The following C6orf132 variants were observed in gnomAD, a reference collection of about 807,000 sequenced individuals.
C6orf132 encodes the protein uncharacterized protein C6orf132.
In C6orf132, 43 loss-of-function variants were observed where a neutral mutation model predicts 65.3. The observed-to-expected ratio is 0.66, with a 90% confidence interval of 0.52 to 0.85. The LOEUF is 0.85. Ranked by LOEUF, C6orf132 falls within the 40% of genes least tolerant of loss-of-function variation. The pLI, the probability that C6orf132 is intolerant of heterozygous loss-of-function variation, is 0.00. For synonymous variants in C6orf132, 631 were observed against 654.1 expected, an observed-to-expected ratio of 0.96 and a Z score of 0.54; for missense variants, 1,488 against 1,548.8, an observed-to-expected ratio of 0.96 and a Z score of 0.66.
chr6:42,132,889 G>GAAAAGAAAAGAAAAGAAAAGAA (rs1237413208), intron 1 of C6orf132, among the ~76,000 whole-genome samples: 7 of 151,268 alleles, frequency 4.6e-5, no homozygotes, highest in African/African-American at 1.7e-4. Flanking sequence ...GAAAAGAAAA[G>GAAAAGAAAAGAAAAGAAAAGAA]AAAAGGAGGT....
rs1020343550 is a variant in C6orf132, at chr6:42,104,448, G to A, written c.3449+15C>T. On this transcript the variant is annotated intron_variant, in intron 4 of 4. Transcript: ENST00000341865. This position sits in a 1 kb window ranked among gnomAD's most constrained non-coding sequence, Gnocchi z 4.1. The stretch of plus-strand genomic sequence containing the variant: ...CCCCTCCTGGCTTCCCGCACCAGCC[G>A]GGCCCGCAGCTCACCTGCCGGCAGC... 9.8e-6 allele frequency: 12 copies of A among 1,230,294 alleles called. No individual in the cohort carries two copies. The highest frequency in any genetic ancestry group is 1.2e-5 in the Non-Finnish European group (12 of 987,220). 76.2% of individuals were successfully genotyped at this position (1,230,294 alleles called of 1,614,324 possible).
At chr6:42,141,934 G>C (rs1767040664) in intron 1 of C6orf132, among the ~76,000 whole-genome samples, 1 of 152,100 alleles carries the variant, frequency 6.6e-6, no homozygotes, top group Non-Finnish European at 1.5e-5. Context: ...GTAGCGGTGG[G>C]GGTCGGGGGA....
rs568563530 is a variant in C6orf132 at position 42,123,045 on chromosome 6, C to T, written c.252+5627G>A. ...GGGCAAGAGAGAACCCCAGAAAACA[C>T]AACCTTGCTGCCACCCACTGTTCTA... On this transcript the variant is annotated intron_variant, in intron 2 of 4. Coordinates refer to ENST00000341865, the MANE Select transcript of C6orf132 (RefSeq NM_001164446.3). Among the ~76,000 whole-genome samples, 5 of 152,320 alleles carry T rather than the reference C, an allele frequency of 3.3e-5. No homozygotes were observed. The South Asian group carries it at 1.0e-3, about 32-fold the overall frequency.
intron 2 of C6orf132, among the ~76,000 whole-genome samples, chr6:42,115,497 T>C (rs911140067): frequency 5.3e-5 from 8 of 150,328 alleles, no homozygotes; most frequent in African/African-American, 2.0e-4. Flanking sequence ...ACACAAAATA[T>C]TAGCCCGGCA....
intron 1 of C6orf132, among the ~76,000 whole-genome samples, chr6:42,139,638 C>A (rs1290972978): frequency 6.6e-6 from 1 of 152,162 alleles, no homozygotes; most frequent in East Asian, 1.9e-4. Context: ...AACCCATGGC[C>A]CAACACAAAT....
In C6orf132 at chr6:42,103,309, TG is replaced by T. The variant is rs1766325674; in HGVS notation, c.*451del. 2.5e-6 allele frequency: 1 copy of T among 397,474 alleles called. No homozygotes were observed. The highest frequency in any genetic ancestry group is 4.4e-6 in the Non-Finnish European group (1 of 225,990). 24.6% of individuals were successfully genotyped at this position (397,474 alleles called of 1,614,324 possible). ...GCCCTGCACACCCACCAGACAGAGC[TG>T]GGCCTCAGCCCTTTGCAAGGGCCTG... On this transcript the variant is annotated 3_prime_UTR_variant, in exon 5 of 5. Coordinates refer to ENST00000341865, the MANE Select transcript of C6orf132 (RefSeq NM_001164446.3).
At chr6:42,136,817 T>G (rs1766950383) in intron 1 of C6orf132, among the ~76,000 whole-genome samples, 1 of 150,426 alleles carries the variant, frequency 6.6e-6, no homozygotes, top group Admixed American at 6.6e-5. Flanking sequence ...TCGACTGGAG[T>G]GGAGGGGAGG....
chr6:42,120,408 A>T (rs2127476636), intron 2 of C6orf132, among the ~76,000 whole-genome samples: 1 of 151,452 alleles, frequency 6.6e-6, no homozygotes, highest in South Asian at 2.1e-4. Context: ...CACCACGTCC[A>T]GTTAATTTTT....
intron 2 of C6orf132, among the ~76,000 whole-genome samples, chr6:42,111,298 T>TTTTTG (rs1766491685): frequency 6.9e-6 from 1 of 145,298 alleles, no homozygotes; most frequent in Non-Finnish European, 1.5e-5. Context: ...TTTTTTTTTT[T>TTTTTG]GAGATGGAGT....
chr6:42,120,782 C>T (rs1186562285), intron 2 of C6orf132, among the ~76,000 whole-genome samples: 2 of 151,994 alleles, frequency 1.3e-5, no homozygotes, highest in Middle Eastern at 3.4e-3. Context: ...CCACCATGCC[C>T]GGCTAATTTT....
Position 42,105,843 on chromosome 6 carries a change from G to T in C6orf132, c.2069C>A (p.Ala690Asp), listed in dbSNP as rs1203433961. Residue 690 changes from alanine (A) to aspartate (D), a missense_variant, in exon 4 of 5, where the codon GCC (alanine) becomes GAC (aspartate). Coordinates refer to ENST00000341865, the MANE Select transcript of C6orf132 (RefSeq NM_001164446.3). ...CAGAGTTGTGGCTGTAGATGCTATG[G>T]CAGGGCCAGATGTGGCCTTGAGTGG... ...TTPLKATSGP[A>D]IASTATTLPT... 3 of 1,537,192 alleles carry T rather than the reference G, an allele frequency of 2.0e-6. No homozygotes were observed. The highest frequency in any genetic ancestry group is 2.6e-6 in the Non-Finnish European group (3 of 1,146,928).
At chr6:42,135,416 C>T (rs1010474162) in intron 1 of C6orf132, among the ~76,000 whole-genome samples, 10 of 152,206 alleles carry the variant, frequency 6.6e-5, no homozygotes, top group Admixed American at 2.6e-4. Context: ...TTAAATGTGG[C>T]GGGTGGGCCA....
chr6:42,126,951 G>C, intron 2 of C6orf132: 2 of 294,932 alleles, frequency 6.8e-6, no homozygotes, highest in Non-Finnish European at 1.3e-5. Context: ...GTTAGGGGCT[G>C]ACTCATTTGG....
At chr6:42,109,837 G>A (rs1393754975) in intron 3 of C6orf132, among the ~76,000 whole-genome samples, 5 of 152,186 alleles carry the variant, frequency 3.3e-5, no homozygotes, top group Admixed American at 6.5e-5. Flanking sequence ...TGTTCCCATC[G>A]TTCGTTGGAA....
intron 2 of C6orf132, among the ~76,000 whole-genome samples, chr6:42,123,425 AGG>A (rs1766717002): frequency 7.6e-6 from 1 of 131,892 alleles, no homozygotes; most frequent in African/African-American, 3.2e-5. Flanking sequence ...GAAAGAAGAA[AGG>A]AGAAGGAGAA....
At chr6:42,120,872 C>T (rs12665427) in intron 2 of C6orf132, among the ~76,000 whole-genome samples, 1,788 of 151,400 alleles carry the variant, frequency 0.012, 42 homozygotes, top group African/African-American at 0.041. Flanking sequence ...CCTCCCACCT[C>T]GGGCTCCCAA....
At chr6:42,114,588 C>T (rs901263015) in intron 2 of C6orf132, among the ~76,000 whole-genome samples, 20 of 152,228 alleles carry the variant, frequency 1.3e-4, no homozygotes, top group Admixed American at 1.3e-3. Context: ...AGTGCACTGG[C>T]GTGGATGGTG....
At chr6:42,139,297 C>T (rs9369341) in intron 1 of C6orf132, among the ~76,000 whole-genome samples, 6,247 of 152,264 alleles carry the variant, frequency 0.041, 281 homozygotes, top group East Asian at 0.2. Context: ...TTTCATGGCT[C>T]AGTTTCCTCT....
Position 42,106,398 on chromosome 6 carries a change from T to G in C6orf132, c.1514A>C (p.Lys505Thr). Residue 505 changes from lysine (K) to threonine (T), a missense_variant, in exon 4 of 5, where the codon AAG becomes ACG. Transcript: ENST00000341865. Reference protein sequence around the residue: ...TVAPQSKEGKKGPRLPEKETL... With the variant: ...TVAPQSKEGKTGPRLPEKETL... Reference sequence around the variant, plus strand: ...CTCCTTCTCAGGCAGGCGGGGGCCCTTCTTGCCCTCCTTGCTCTGAGGGGC... The same window carrying G: ...CTCCTTCTCAGGCAGGCGGGGGCCCGTCTTGCCCTCCTTGCTCTGAGGGGC... The G allele has an allele frequency of 6.5e-7, 1 of 1,535,806 alleles. No individual in the cohort carries two copies. The highest frequency in any genetic ancestry group is 8.7e-7 in the Non-Finnish European group (1 of 1,146,810).
Sources: gnomAD v4.1 joint callset for allele counts (sites outside exome capture counted in the v4.1 genomes callset) on GRCh38, gnomAD v4.1.1 for gene constraint, Gnocchi (gnomAD v3.1) non-coding constraint, MANE v1.5 for transcripts, NCBI Gene and HGNC (gene_info 2026-07-23, HGNC 2026-07-21) for gene names.